IMPG2: variants seen among roughly 807,000 people sequenced by gnomAD.
The protein encoded by IMPG2 is IPM 200.
A neutral mutation model predicts 129.2 loss-of-function variants in IMPG2; 91 were observed. That is an observed-to-expected ratio of 0.70 (90% CI 0.59 to 0.84). IMPG2 has a LOEUF of 0.84. IMPG2 is among the 40% of genes least tolerant of loss of function. The pLI, the probability that IMPG2 is intolerant of heterozygous loss-of-function variation, is 0.00. For synonymous variants in IMPG2, 510 were observed against 517.7 expected (o/e 0.99, Z 0.20); for missense variants, 1,430 against 1,461.7 (o/e 0.98, Z 0.35).
At chr3:101,269,003 A>C (rs570264543) in intron 8 of IMPG2, among the ~76,000 whole-genome samples, 1 of 152,338 alleles carries the variant, frequency 6.6e-6, no homozygotes, top group East Asian at 1.9e-4. Flanking sequence ...CACTCAGTAA[A>C]GTATTCATTC....
intron 2 of IMPG2, among the ~76,000 whole-genome samples, chr3:101,316,400 A>G (rs1192329379): frequency 1.3e-5 from 2 of 152,116 alleles, no homozygotes; most frequent in East Asian, 3.8e-4. Flanking sequence ...AAGAACTATT[A>G]CAACTCAATA....
intron 3 of IMPG2, among the ~76,000 whole-genome samples, chr3:101,297,774 T>C (rs371664590): frequency 6.6e-6 from 1 of 152,276 alleles, no homozygotes; most frequent in Non-Finnish European, 1.5e-5. Flanking sequence ...CTATTTGTTA[T>C]GATTTCAGTT....
intron 9 of IMPG2, among the ~76,000 whole-genome samples, chr3:101,264,688 G>A (rs527706980): frequency 1.0e-3 from 154 of 152,102 alleles, no homozygotes; most frequent in African/African-American, 3.6e-3. Flanking sequence ...AGTACCAGAA[G>A]TCCTAGCCAG....
At chr3:101,269,388 A>T (rs1232806525) in intron 8 of IMPG2, 127 bp downstream of exon 8, 5 of 627,982 alleles carry the variant, frequency 8.0e-6, no homozygotes, top group Admixed American at 5.6e-5. Flanking sequence ...CTAATTTACC[A>T]GAAATAGCAT....
chr3:101,232,291 G>GCCA (rs1360600329), intron 15 of IMPG2, among the ~76,000 whole-genome samples: 2 of 151,460 alleles, frequency 1.3e-5, no homozygotes, highest in Non-Finnish European at 2.9e-5. Context: ...AGGCTGGAGT[G>GCCA]CAGTGGCACG....
chr3:101,274,799 A>G (rs1046123710), intron 6 of IMPG2, among the ~76,000 whole-genome samples: 2 of 152,224 alleles, frequency 1.3e-5, no homozygotes, highest in Non-Finnish European at 2.9e-5. Flanking sequence ...TTATTCATTC[A>G]TTCACAAATA....
intron 9 of IMPG2, among the ~76,000 whole-genome samples, chr3:101,259,995 C>T (rs1315125039): frequency 6.6e-6 from 1 of 152,038 alleles, no homozygotes; most frequent in African/African-American, 2.4e-5. Flanking sequence ...AACAGGCATC[C>T]TAGAGAATTC....
At chr3:101,240,080 T>G (rs1269887820) in intron 14 of IMPG2, among the ~76,000 whole-genome samples, 3 of 152,106 alleles carry the variant, frequency 2.0e-5, no homozygotes, top group African/African-American at 7.2e-5. Flanking sequence ...AAAAAAAAAC[T>G]GAAGTAAATG....
intron 3 of IMPG2, among the ~76,000 whole-genome samples, chr3:101,291,830 C>T (rs1707017659): frequency 6.6e-6 from 1 of 152,136 alleles, no homozygotes; most frequent in Admixed American, 6.5e-5. Flanking sequence ...TTACATAAAC[C>T]TGCCATGGAT....
At chr3:101,318,149 AAATAATAATAATAATAATAATAATAAT>A (rs138777161) in intron 2 of IMPG2, among the ~76,000 whole-genome samples, 2 of 144,182 alleles carry the variant, frequency 1.4e-5, no homozygotes, top group Admixed American at 7.0e-5. Flanking sequence ...AAATAGTAAT[AAATAATAATAATAATAATAATAATAAT>A]AATAATAATA....
At chr3:101,293,103 T>C (rs929028778) in intron 3 of IMPG2, among the ~76,000 whole-genome samples, 1 of 152,192 alleles carries the variant, frequency 6.6e-6, no homozygotes, top group African/African-American at 2.4e-5. Context: ...TATTTTGATC[T>C]CACCTATTGA....
At chr3:101,310,703 A>G (rs1426141210) in intron 2 of IMPG2, among the ~76,000 whole-genome samples, 3 of 152,184 alleles carry the variant, frequency 2.0e-5, no homozygotes, top group Non-Finnish European at 2.9e-5. Context: ...TTCTGTTTAA[A>G]ATGTTTTCAT....
chr3:101,228,656 T>C, intron 18 of IMPG2, 141 bp downstream of exon 18: 1 of 700,600 alleles, frequency 1.4e-6, no homozygotes, highest in Middle Eastern at 2.7e-4. Flanking sequence ...GCATAAACTT[T>C]GAAGAACTCA....
At position 101,320,501 on chromosome 3, in the gene IMPG2, A is replaced by C. The variant is rs2058806173; in HGVS notation, c.-129T>G. On this transcript the variant is annotated 5_prime_UTR_variant, in exon 1 of 19. Coordinates refer to ENST00000193391, the MANE Select transcript of IMPG2 (RefSeq NM_016247.4). ...TAAAAGTCTATGTTTGAGAATGAAC[A>C]ACCACTTCAAAACCATTATAAATTA... 1 of 677,414 alleles carries C rather than the reference A, an allele frequency of 1.5e-6. No individual in the cohort carries two copies. The highest frequency in any genetic ancestry group is 2.7e-6 in the Non-Finnish European group (1 of 373,430). 42.0% of individuals were successfully genotyped at this position (677,414 alleles called of 1,614,324 possible).
intron 10 of IMPG2, among the ~76,000 whole-genome samples, chr3:101,257,158 T>G (rs746604578): frequency 2.6e-5 from 4 of 152,114 alleles, no homozygotes; most frequent in Non-Finnish European, 5.9e-5. Flanking sequence ...ACTCTGATTT[T>G]TAAGCCTTTA....
At chr3:101,229,982 C>T (rs781507886) in intron 16 of IMPG2, among the ~76,000 whole-genome samples, 6 of 152,258 alleles carry the variant, frequency 3.9e-5, no homozygotes, top group South Asian at 2.1e-4. Context: ...ATAAATATTA[C>T]GGTCTAGGGG....
In IMPG2 at chr3:101,243,626, A is replaced by G; in HGVS notation, c.2705T>C (p.Phe902Ser). Reference protein sequence around the residue: ...YTQTSGALVVFFSLRVTNMMF... With the variant: ...YTQTSGALVVSFSLRVTNMMF... ...CATGTTAGTCACTCGGAGGCTGAAG[A>G]AAACCACCAAAGCTCCTGAAGTCTG... Residue 902 changes from phenylalanine (F) to serine (S), a missense_variant, in exon 13 of 19, where the codon TTC becomes TCC. Coordinates refer to ENST00000193391, the MANE Select transcript of IMPG2 (RefSeq NM_016247.4). 1.2e-6 allele frequency: 2 copies of G among 1,613,992 alleles called. No individual in the cohort carries two copies. The highest frequency in any genetic ancestry group is 1.1e-5 in the South Asian group (1 of 91,076).
rs1205060834 is a variant in IMPG2 at position 101,256,132 on chromosome 3, GAAAGAAAGAAAGA to G, written c.1153+1384_1153+1396del. On this transcript the variant is annotated intron_variant, in intron 10 of 18. Coordinates refer to ENST00000193391, the MANE Select transcript of IMPG2 (RefSeq NM_016247.4). ...AAAGAAAGAAAAAGAAAGAGAGAAA[GAAAGAAAGAAAGA>G]AAAGAAAGAAAGAAAGAAAGAAAGA... 1.4e-4 allele frequency among the ~76,000 whole-genome samples: 13 copies of G among 96,220 alleles called. 1 individual carries two copies. The highest frequency in any genetic ancestry group is 5.3e-4 in the African/African-American group (13 of 24,756). The allele number at this position is 96,220 out of a possible 152,430, so 63.1% of individuals were successfully genotyped here. A position where few individuals can be genotyped will look rare whatever the true frequency, so the allele number is the denominator to read the frequency against.
rs1238187771 is a variant in IMPG2, at chr3:101,231,626, AG to A, written c.3234-482del. Among the ~76,000 whole-genome samples, 7 of 152,176 alleles carry A rather than the reference AG, an allele frequency of 4.6e-5. No homozygotes were observed. In the East Asian group the frequency reaches 1.4e-3, roughly 29 times the overall value. The stretch of plus-strand genomic sequence containing the variant: ...GTAATATTAATTTCTCTGGACATGA[AG>A]GGACTGTTTTTCTCCTTATAAACTT... On this transcript the variant is annotated intron_variant, in intron 15 of 18. Coordinates refer to ENST00000193391, the MANE Select transcript of IMPG2 (RefSeq NM_016247.4).
Sources: gnomAD v4.1 joint callset for allele counts (sites outside exome capture counted in the v4.1 genomes callset) on GRCh38, gnomAD v4.1.1 for gene constraint, MANE v1.5 for transcripts, NCBI Gene and HGNC (gene_info 2026-07-23, HGNC 2026-07-21) for gene names.